Variants in PTCHD4 observed in about 807,000 individuals in gnomAD.
The protein encoded by PTCHD4 is patched domain containing 4, also known as patched domain-containing protein 4.
In PTCHD4, 33 loss-of-function variants were observed where a neutral mutation model predicts 58.1. The observed-to-expected ratio is 0.57, with a 90% CI of 0.43 to 0.76. PTCHD4 has a LOEUF of 0.76. Ranked by LOEUF, PTCHD4 falls within the 30% of genes least tolerant of loss-of-function variation. PTCHD4 has a pLI of 0.00. For missense variants in PTCHD4, 1,058 were observed against 1,027.1 expected, an observed-to-expected ratio of 1.03 and a Z score of -0.41; for synonymous variants, 478 against 409.6, an observed-to-expected ratio of 1.17 and a Z score of -2.02.
intron 4 of PTCHD4, among the ~76,000 whole-genome samples, chr6:47,957,688 C>T (rs1038584160): frequency 2.0e-5 from 3 of 151,368 alleles, no homozygotes; most frequent in Non-Finnish European, 2.9e-5. Context: ...GTAAGCTCTG[C>T]CTCCCGGGTT....
At chr6:47,972,673 CCTAT>C (rs1457526905) in intron 4 of PTCHD4, among the ~76,000 whole-genome samples, 1 of 151,858 alleles carries the variant, frequency 6.6e-6, no homozygotes, top group Non-Finnish European at 1.5e-5. Flanking sequence ...CAATCTATCA[CCTAT>C]CTTATATATC....
chr6:47,889,127 T>C (rs1224694414), intron 4 of PTCHD4, among the ~76,000 whole-genome samples: 2 of 50,572 alleles, frequency 4.0e-5, no homozygotes, highest in Admixed American at 6.2e-4. Context: ...TACGTGTGCA[T>C]GTGTCTTTAT....
intron 3 of PTCHD4, among the ~76,000 whole-genome samples, chr6:48,023,363 T>G (rs907534293): frequency 6.6e-6 from 1 of 152,210 alleles, no homozygotes; most frequent in Non-Finnish European, 1.5e-5. Context: ...ATTGATTTAC[T>G]TAGATTTTTA....
intron 4 of PTCHD4, among the ~76,000 whole-genome samples, chr6:47,897,303 CAGTA>C (rs1053805003): frequency 1.4e-4 from 21 of 152,316 alleles, no homozygotes; most frequent in African/African-American, 4.3e-4. Flanking sequence ...TCCTCTAAAA[CAGTA>C]AGTAAGTGGA....
intron 3 of PTCHD4, among the ~76,000 whole-genome samples, chr6:48,067,187 C>A (rs755067735): frequency 3.9e-5 from 6 of 152,234 alleles, no homozygotes; most frequent in Non-Finnish European, 8.8e-5. Flanking sequence ...AAACTTCAGT[C>A]ACCTGGAGAC....
rs1292120071 is a variant in PTCHD4 at position 47,858,664 on chromosome 6, A to T, written c.*19639T>A. ...AAAGAGCAATAAGAAATCTGAACAC[A>T]AGTAACAAGGCTACACTGCACTAGC... On this transcript the variant is annotated 3_prime_UTR_variant, in exon 5 of 5. Coordinates refer to ENST00000339488, the MANE Select transcript of PTCHD4 (RefSeq NM_001384253.1). 6.6e-6 allele frequency among the ~76,000 whole-genome samples: 1 copy of T among 152,030 alleles called. No homozygotes were observed.
chr6:47,924,047 T>C (rs1765517963), intron 4 of PTCHD4, among the ~76,000 whole-genome samples: 1 of 152,192 alleles, frequency 6.6e-6, no homozygotes, highest in Non-Finnish European at 1.5e-5. Context: ...CTGCCCTAAA[T>C]ATTTCTACCT....
chr6:47,975,853 G>A (rs1767673323), intron 4 of PTCHD4, among the ~76,000 whole-genome samples: 1 of 152,110 alleles, frequency 6.6e-6, no homozygotes, highest in Non-Finnish European at 1.5e-5. Flanking sequence ...TGTACATAAG[G>A]TAAGTGTCAA....
chr6:47,885,841 C>T (rs891465583), intron 4 of PTCHD4, among the ~76,000 whole-genome samples: 12 of 151,952 alleles, frequency 7.9e-5, no homozygotes, highest in African/African-American at 1.4e-4. Context: ...TTTTTTGAGA[C>T]GGAGTCTCAC....
At chr6:47,884,785 C>A (rs1764131149) in intron 4 of PTCHD4, among the ~76,000 whole-genome samples, 1 of 152,120 alleles carries the variant, frequency 6.6e-6, no homozygotes, top group African/African-American at 2.4e-5. Flanking sequence ...TGCTGTGTAC[C>A]ATGAAAATGC....
At chr6:47,980,292 G>C (rs1431848157) in intron 4 of PTCHD4, among the ~76,000 whole-genome samples, 2 of 151,946 alleles carry the variant, frequency 1.3e-5, no homozygotes, top group Admixed American at 1.3e-4. Context: ...ATATTCATTT[G>C]TTTATATGCT....
At position 47,858,170 on chromosome 6, in the gene PTCHD4, T is replaced by C. The variant is rs562115359; in HGVS notation, c.*20133A>G. Among the ~76,000 whole-genome samples the C allele has an allele frequency of 2.0e-5, 3 of 152,008 alleles. No homozygotes were observed. The highest frequency in any genetic ancestry group is 7.2e-5 in the African/African-American group (3 of 41,412). ...ATAGCAAGTGAGAGCTCTGAATGAA[T>C]ACTCCAGCAATTATAGGAGAGGGAA... On this transcript the variant is annotated 3_prime_UTR_variant, in exon 5 of 5. Coordinates refer to ENST00000339488, the MANE Select transcript of PTCHD4 (RefSeq NM_001384253.1).
Position 47,866,336 on chromosome 6 carries a change from G to A in PTCHD4, c.*11967C>T, listed in dbSNP as rs572504877. ...AGTACTGAGGTTGGGTCTCGCTATA[G>A]GATATATTGATTTAAGTAGTCTGGC... On this transcript the variant is annotated 3_prime_UTR_variant, in exon 5 of 5. Coordinates refer to ENST00000339488, the MANE Select transcript of PTCHD4 (RefSeq NM_001384253.1). Among the ~76,000 whole-genome samples, 7 of 151,974 alleles carry A rather than the reference G, an allele frequency of 4.6e-5. No individual in the cohort carries two copies. Among genetic ancestry groups the A allele is most frequent in the South Asian group, 2.1e-4 (1 of 4,826 alleles).
At chr6:48,054,565 T>A (rs1449788962) in intron 3 of PTCHD4, among the ~76,000 whole-genome samples, 1 of 152,152 alleles carries the variant, frequency 6.6e-6, no homozygotes, top group Admixed American at 6.6e-5. Flanking sequence ...CTTCCTTATG[T>A]CTGTTAAGGA....
intron 4 of PTCHD4, among the ~76,000 whole-genome samples, chr6:47,921,214 A>AT (rs1387349698): frequency 6.6e-6 from 1 of 152,086 alleles, no homozygotes; most frequent in Non-Finnish European, 1.5e-5. Flanking sequence ...ATTATTCAGC[A>AT]TTTTTTTCTT....
At chr6:47,923,432 T>C (rs934536873) in intron 4 of PTCHD4, among the ~76,000 whole-genome samples, 3 of 152,198 alleles carry the variant, frequency 2.0e-5, no homozygotes, top group Non-Finnish European at 4.4e-5. Flanking sequence ...ACTTTTGATA[T>C]TTTGTTTTTC....
intron 4 of PTCHD4, among the ~76,000 whole-genome samples, chr6:47,950,082 C>A (rs1264893723): frequency 6.8e-6 from 1 of 147,610 alleles, no homozygotes; most frequent in Non-Finnish European, 1.5e-5. Context: ...TTCCTGTGTC[C>A]ATGTGTTCTC....
intron 3 of PTCHD4, among the ~76,000 whole-genome samples, chr6:48,035,127 GATGA>G (rs1424047018): frequency 1.3e-5 from 2 of 152,022 alleles, no homozygotes; most frequent in African/African-American, 4.8e-5. Flanking sequence ...TTGTGTAGTA[GATGA>G]ATAAGGCTCT....
chr6:48,001,864 C>T (rs185988061), intron 4 of PTCHD4, among the ~76,000 whole-genome samples: 8 of 152,198 alleles, frequency 5.3e-5, no homozygotes, highest in African/African-American at 1.7e-4. Context: ...TACTCATCTG[C>T]CAAAGGGCTA....
Sources: allele counts gnomAD v4.1 joint callset (sites outside exome capture counted in the v4.1 genomes callset), GRCh38; gene constraint gnomAD v4.1.1; transcripts MANE v1.5; gene names NCBI Gene and HGNC (gene_info 2026-07-23, HGNC 2026-07-21).